The following MRPS25 variants were observed in gnomAD, a reference collection of about 807,000 sequenced individuals.
The protein encoded by MRPS25 is small ribosomal subunit protein mS25.
Under a neutral mutation model 17.3 loss-of-function variants are expected in MRPS25, and 15 were observed. That is an observed-to-expected ratio of 0.87 (90% confidence interval 0.58 to 1.34). MRPS25 has a LOEUF of 1.34. MRPS25 is among the 40% of genes most tolerant of loss of function. The probability of loss-of-function intolerance (pLI) is 0.00; values close to 1 mark genes in which losing one functional copy is unlikely to be tolerated. For synonymous variants in MRPS25, 94 were observed against 83.3 expected, an observed-to-expected ratio of 1.13 and a Z score of -0.70; for missense variants, 225 against 218.6, an observed-to-expected ratio of 1.03 and a Z score of -0.19.
At position 15,052,393 on chromosome 3, in the gene MRPS25, T is replaced by C. The variant is rs1461192645; in HGVS notation, c.*48A>G. 4 of 1,569,514 alleles carry C rather than the reference T, an allele frequency of 2.5e-6. No homozygotes were observed. The highest frequency in any genetic ancestry group is 3.5e-6 in the Non-Finnish European group (4 of 1,154,420). On this transcript the variant is annotated 3_prime_UTR_variant, in exon 4 of 4. Coordinates refer to ENST00000253686, the MANE Select transcript of MRPS25 (RefSeq NM_022497.5). ...GGGCCAAAGTAATCCCATTCCAATC[T>C]CCCCACTGGTCAGACACCATCACCC...
downstream of MRPS25, chr3:15,045,850 C>G (rs1379601126): frequency 6.6e-6 from 1 of 152,326 alleles, no homozygotes; most frequent in Non-Finnish European, 1.5e-5. Flanking sequence ...ACTGGCCTGG[C>G]TGCTCCTCCC....
chr3:15,051,558 A>C lies in MRPS25; in HGVS notation c.*883T>G. ...AGGCTGAAACCTCCACTTTAGCATA[A>C]CTAAAGTGACAGTAACATCAGTGTC... is the stretch of plus-strand genomic sequence containing the variant. On this transcript the variant is annotated 3_prime_UTR_variant, in exon 4 of 4. Transcript: ENST00000253686. 1.0e-6 allele frequency: 1 copy of C among 985,276 alleles called. No homozygotes were observed. Among genetic ancestry groups the C allele is most frequent in the Non-Finnish European group, 1.2e-6 (1 of 829,794 alleles). The allele number at this position is 985,276 out of a possible 1,614,324, so 61.0% of individuals were successfully genotyped here.
chr3:15,065,249 A>C lies in MRPS25; in HGVS notation c.-55T>G. 6.5e-7 allele frequency: 1 copy of C among 1,534,702 alleles called. No individual in the cohort carries two copies. Among genetic ancestry groups the C allele is most frequent in the East Asian group, 2.4e-5 (1 of 41,322 alleles). On this transcript the variant is annotated 5_prime_UTR_variant, in exon 1 of 4. Coordinates refer to ENST00000253686, the MANE Select transcript of MRPS25 (RefSeq NM_022497.5). ...GGGCCGCGAGCCGAGCAGCGACGAG[A>C]AAGGACTAGCTAGCACCCGCGCGGA... is the stretch of plus-strand genomic sequence containing the variant.
At chr3:15,053,263 T>A in intron 3 of MRPS25, 117 bp downstream of exon 3, 1 of 1,535,048 alleles carries the variant, frequency 6.5e-7, no homozygotes, top group Non-Finnish European at 8.8e-7. Context: ...CTTATTAGTG[T>A]CTGGCGTTCA....
downstream of MRPS25, chr3:15,047,103 G>A (rs1303276209): frequency 6.6e-6 from 1 of 152,556 alleles, no homozygotes; most frequent in East Asian, 1.9e-4. Context: ...TATAGTGTGT[G>A]TATGTGTACA....
In MRPS25 at chr3:15,050,881, C is replaced by CAGTT; in HGVS notation, c.*1556_*1559dup. 2 of 985,338 alleles carry CAGTT rather than the reference C, an allele frequency of 2.0e-6. No individual in the cohort carries two copies. Among genetic ancestry groups the CAGTT allele is most frequent in the Non-Finnish European group, 2.4e-6 (2 of 829,924 alleles). 61.0% of individuals were successfully genotyped at this position (985,338 alleles called of 1,614,324 possible). A position where few individuals can be genotyped will look rare whatever the true frequency, so the allele number is the denominator to read the frequency against. Reference sequence around the variant, plus strand: ...CTCAATTTAATGTGATAATCTCCAACAGTTAATGAAACACATCGTAGTATG... The same window carrying CAGTT: ...CTCAATTTAATGTGATAATCTCCAACAGTTAGTTAATGAAACACATCGTAGTATG... On this transcript the variant is annotated 3_prime_UTR_variant, in exon 4 of 4. Transcript: ENST00000253686.
chr3:15,057,140 T>C (rs910513717), intron 2 of MRPS25, among the ~76,000 whole-genome samples: 1 of 152,222 alleles, frequency 6.6e-6, no homozygotes, highest in African/African-American at 2.4e-5. Flanking sequence ...TGTGGAGTAC[T>C]GCTGGGATCT....
intron 2 of MRPS25, 74 bp downstream of exon 2, chr3:15,059,295 C>T: frequency 9.6e-7 from 1 of 1,041,016 alleles, no homozygotes; most frequent in Non-Finnish European, 1.5e-6. Context: ...CATCCTGACG[C>T]TCCCATAGGA....
At chr3:15,064,000 T>G (rs968023630) in intron 1 of MRPS25, among the ~76,000 whole-genome samples, 2 of 152,178 alleles carry the variant, frequency 1.3e-5, no homozygotes, top group African/African-American at 4.8e-5. Context: ...GTCCAAGTTA[T>G]CAGATTCACC....
intron 2 of MRPS25, among the ~76,000 whole-genome samples, chr3:15,056,306 T>G: frequency 6.6e-6 from 1 of 152,090 alleles, no homozygotes; most frequent in East Asian, 1.9e-4. Flanking sequence ...AAATGCATAT[T>G]ACAACTCCAA....
At chr3:15,061,514 A>G (rs1428144228) in intron 1 of MRPS25, among the ~76,000 whole-genome samples, 1 of 152,192 alleles carries the variant, frequency 6.6e-6, no homozygotes, top group Non-Finnish European at 1.5e-5. Flanking sequence ...TGGTTCACTC[A>G]GTGCTCAATG....
intron 3 of MRPS25, 170 bp downstream of exon 3, chr3:15,053,210 G>C: frequency 7.1e-7 from 1 of 1,409,642 alleles, no homozygotes; most frequent in Non-Finnish European, 9.4e-7. Flanking sequence ...TAATGATTTG[G>C]TAAAGAGCAA....
In MRPS25 at chr3:15,051,988, G is replaced by C; in HGVS notation, c.*453C>G. ...CCCCCAAGGAACTGAACGGAGGGGT[G>C]TACACACTGCCAACCACAGACAGTG... On this transcript the variant is annotated 3_prime_UTR_variant, in exon 4 of 4. Transcript: ENST00000253686. 1 of 990,396 alleles carries C rather than the reference G, an allele frequency of 1.0e-6. No homozygotes were observed. The highest frequency in any genetic ancestry group is 1.2e-6 in the Non-Finnish European group (1 of 833,302). 61.4% of individuals were successfully genotyped at this position (990,396 alleles called of 1,614,324 possible). A position where few individuals can be genotyped will look rare whatever the true frequency, so the allele number is the denominator to read the frequency against.
chr3:15,053,034 C>G (rs1575066890), intron 3 of MRPS25, among the ~76,000 whole-genome samples: 2 of 152,262 alleles, frequency 1.3e-5, no homozygotes, highest in East Asian at 3.9e-4. Flanking sequence ...CACCAGGAGC[C>G]CTAGGGCTAG....
At chr3:15,063,021 C>T (rs866044051) in intron 1 of MRPS25, among the ~76,000 whole-genome samples, 18 of 148,388 alleles carry the variant, frequency 1.2e-4, no homozygotes, top group Non-Finnish European at 2.1e-4. Flanking sequence ...TCCCCCTCTG[C>T]GAGAAACACC....
chr3:15,043,604 T>C (rs1393465693), downstream of MRPS25: 1 of 152,708 alleles, frequency 6.5e-6, no homozygotes, highest in Non-Finnish European at 1.5e-5. Context: ...TGTGTGCACA[T>C]GTTGTGGAGT....
chr3:15,059,910 T>C (rs934709252), intron 1 of MRPS25, among the ~76,000 whole-genome samples: 2 of 151,608 alleles, frequency 1.3e-5, no homozygotes, highest in African/African-American at 2.4e-5. Flanking sequence ...AGTTTTACAA[T>C]TGAGGAGTGG....
In MRPS25 at chr3:15,052,569, G is replaced by A. The variant is rs1046101036; in HGVS notation, c.394C>T (p.Arg132Ter). The A allele has an allele frequency of 1.7e-5, 27 of 1,614,042 alleles. No individual in the cohort carries two copies. Among genetic ancestry groups the A allele is most frequent in the South Asian group, 3.3e-5 (3 of 91,084 alleles). The change falls in exon 4 of 4, where the codon CGA becomes TGA. Residue 132 changes from arginine (R) to a stop codon, truncating the protein, a stop_gained. Transcript: ENST00000253686. LOFTEE classifies it high-confidence loss of function. ...QLSHPANFGPRKYCLRECICE... is the reference protein window; with the variant it reads ...QLSHPANFGP ...ATGCACTCCCGCAGGCAGTACTTTC[G>A]AGGGCCGAAGTTGGCTGGGTGAGAA...
rs1293421420 is a variant in MRPS25 at position 15,062,649 on chromosome 3, T to C, written c.134+2412A>G. 2.6e-4 allele frequency among the ~76,000 whole-genome samples: 39 copies of C among 152,182 alleles called. 1 individual carries two copies. The South Asian group carries it at 7.9e-3, about 31-fold the overall frequency. On this transcript the variant is annotated intron_variant, in intron 1 of 3. Coordinates refer to ENST00000253686, the MANE Select transcript of MRPS25 (RefSeq NM_022497.5). Reference sequence around the variant, plus strand: ...AAAGGGGGGAAAGGTGGGGAAAAGATTGAGAAATCGGATGGTTGCCGTGTC... The same window carrying C: ...AAAGGGGGGAAAGGTGGGGAAAAGACTGAGAAATCGGATGGTTGCCGTGTC...
Sources: allele counts gnomAD v4.1 joint callset (sites outside exome capture counted in the v4.1 genomes callset), GRCh38; gene constraint gnomAD v4.1.1; transcripts MANE v1.5; gene names NCBI Gene and HGNC (gene_info 2026-07-23, HGNC 2026-07-21).